Variants in ADCY9 observed in about 807,000 individuals in gnomAD.
ADCY9 encodes the protein adenylate cyclase type 9.
A neutral mutation model predicts 101.5 loss-of-function variants in ADCY9; 50 were observed. That is an observed-to-expected ratio of 0.49 (90% CI 0.39 to 0.62). The LOEUF (loss-of-function observed/expected upper bound fraction) is 0.62, where lower values mean the gene tolerates loss of function less well. Ranked by LOEUF, ADCY9 falls within the 20% of genes least tolerant of loss-of-function variation. ADCY9 has a pLI of 0.00. For synonymous variants in ADCY9, 905 were observed against 769.3 expected (o/e 1.18, Z -2.92); for missense variants, 1,662 against 1,800.4 (o/e 0.92, Z 1.39).
At chr16:3,967,348 C>CT (rs150666150) in intron 10 of ADCY9, among the ~76,000 whole-genome samples, 21,692 of 150,778 alleles carry the variant, frequency 0.14, 1,870 homozygotes, top group East Asian at 0.27. Flanking sequence ...TTTTCTTTTT[C>CT]TTTTTTTTTA....
At chr16:4,026,843 G>A (rs535031532) in intron 2 of ADCY9, among the ~76,000 whole-genome samples, 18 of 152,314 alleles carry the variant, frequency 1.2e-4, no homozygotes, top group African/African-American at 3.8e-4. Flanking sequence ...CCTGGAGGCA[G>A]GGAACTTAAG....
intron 10 of ADCY9, among the ~76,000 whole-genome samples, chr16:3,971,573 T>A (rs1228974747): frequency 6.6e-6 from 1 of 152,198 alleles, no homozygotes; most frequent in Non-Finnish European, 1.5e-5. Context: ...TAACCATTTG[T>A]TACGATGATG....
At chr16:4,050,713 CAAAAAAAAAA>C (rs5815192) in intron 2 of ADCY9, among the ~76,000 whole-genome samples, 3 of 69,638 alleles carry the variant, frequency 4.3e-5, no homozygotes, top group African/African-American at 1.2e-4. Flanking sequence ...AACTCCGTCT[CAAAAAAAAAA>C]AAAAAAAAAA....
intron 2 of ADCY9, among the ~76,000 whole-genome samples, chr16:4,035,520 C>T (rs537243405): frequency 6.6e-5 from 10 of 152,276 alleles, no homozygotes; most frequent in Non-Finnish European, 8.8e-5. Flanking sequence ...ACAAAACACA[C>T]GTGCACACAT....
At chr16:4,043,163 G>A (rs1184491196) in intron 2 of ADCY9, among the ~76,000 whole-genome samples, 1 of 151,900 alleles carries the variant, frequency 6.6e-6, no homozygotes, top group Non-Finnish European at 1.5e-5. Flanking sequence ...CCCGGGAGGC[G>A]GAGCTTGCAG....
intron 3 of ADCY9, among the ~76,000 whole-genome samples, chr16:3,998,474 G>C (rs748567550): frequency 1.3e-5 from 2 of 151,990 alleles, no homozygotes; most frequent in African/African-American, 2.4e-5. Flanking sequence ...ACTTTGGGAG[G>C]CCAACATGGG....
At chr16:3,978,876 T>G (rs2531987) in intron 8 of ADCY9, among the ~76,000 whole-genome samples, 1 of 151,976 alleles carries the variant, frequency 6.6e-6, no homozygotes, top group Non-Finnish European at 1.5e-5. Context: ...CCTGCCACCA[T>G]GACCAGCTAA....
At chr16:4,033,155 G>T (rs939280683) in intron 2 of ADCY9, among the ~76,000 whole-genome samples, 16 of 152,136 alleles carry the variant, frequency 1.1e-4, no homozygotes, top group Admixed American at 2.6e-4. Flanking sequence ...TAAAAATTAT[G>T]ATTTTCCCAT....
At chr16:4,073,448 T>G (rs2056847643) in intron 2 of ADCY9, among the ~76,000 whole-genome samples, 1 of 151,514 alleles carries the variant, frequency 6.6e-6, no homozygotes, top group Non-Finnish European at 1.5e-5. Flanking sequence ...CAGACTGGAA[T>G]GCAATGGCGC....
At chr16:4,057,413 T>C (rs1188222164) in intron 2 of ADCY9, among the ~76,000 whole-genome samples, 1 of 152,150 alleles carries the variant, frequency 6.6e-6, no homozygotes, top group Non-Finnish European at 1.5e-5. Flanking sequence ...ACCATCAACC[T>C]AGAACACTTT....
At chr16:4,062,910 A>G (rs1486876393) in intron 2 of ADCY9, among the ~76,000 whole-genome samples, 2 of 152,314 alleles carry the variant, frequency 1.3e-5, no homozygotes, top group East Asian at 3.9e-4. Context: ...GGAGACTTCA[A>G]TATCCCACTC....
intron 2 of ADCY9, among the ~76,000 whole-genome samples, chr16:4,072,925 A>G (rs921118632): frequency 2.0e-5 from 3 of 150,342 alleles, no homozygotes; most frequent in Non-Finnish European, 4.4e-5. Context: ...CAGTGGTGTG[A>G]TATCTTTAAA....
chr16:3,966,995 A>T, intron 10 of ADCY9, 29 bp from the exon 11 acceptor site: 1 of 1,577,364 alleles, frequency 6.3e-7, no homozygotes, highest in Non-Finnish European at 8.6e-7. Flanking sequence ...GGAAAGGGAG[A>T]GGTTACTGCT....
At chr16:4,055,770 C>T (rs1175577609) in intron 2 of ADCY9, among the ~76,000 whole-genome samples, 1 of 151,922 alleles carries the variant, frequency 6.6e-6, no homozygotes, top group Non-Finnish European at 1.5e-5. Flanking sequence ...GAAGGCAGAG[C>T]TTGCAGTGAG....
At chr16:4,082,710 GCATGCACGCACACA>G (rs1260628763) in intron 2 of ADCY9, among the ~76,000 whole-genome samples, 1 of 99,988 alleles carries the variant, frequency 1.0e-5, no homozygotes, top group Non-Finnish European at 2.2e-5. Context: ...GCACACCCAC[GCATGCACGCACACA>G]CATGCACACC....
intron 2 of ADCY9, among the ~76,000 whole-genome samples, chr16:4,108,613 C>T (rs1455488468): frequency 6.6e-6 from 1 of 150,914 alleles, no homozygotes; most frequent in Non-Finnish European, 1.5e-5. Flanking sequence ...ACCTCCTGAT[C>T]TGCCCACCTC....
intron 2 of ADCY9, among the ~76,000 whole-genome samples, chr16:4,076,637 C>T (rs1417950131): frequency 6.7e-6 from 1 of 149,576 alleles, no homozygotes; most frequent in Non-Finnish European, 1.5e-5. Context: ...AGCACCCAAA[C>T]AGCATCTGTG....
chr16:4,115,454 C>A lies in ADCY9; in HGVS notation c.-12G>T. 1.3e-6 allele frequency: 2 copies of A among 1,525,766 alleles called. No homozygotes were observed. The highest frequency in any genetic ancestry group is 1.8e-6 in the Non-Finnish European group (2 of 1,135,446). The allele number at this position is 1,525,766 out of a possible 1,614,324, so 94.5% of individuals were successfully genotyped here. A position where few individuals can be genotyped will look rare whatever the true frequency, so the allele number is the denominator to read the frequency against. ...GGTGGGGAAGCCATGTTGTCGAGTC[C>A]CGGGGCCTGCCCCGGCCGGGGTCAC... On this transcript the variant is annotated 5_prime_UTR_variant, in exon 2 of 11. Coordinates refer to ENST00000294016, the MANE Select transcript of ADCY9 (RefSeq NM_001116.4). The surrounding 1 kb of genome is among the most constrained non-coding windows in gnomAD (Gnocchi z 6.2).
Position 3,965,543 on chromosome 16 carries a change from G to A in ADCY9, c.*232C>T. On this transcript the variant is annotated 3_prime_UTR_variant, in exon 11 of 11. Coordinates refer to ENST00000294016, the MANE Select transcript of ADCY9 (RefSeq NM_001116.4). ...TGAAGGCACTTGTTCTCCACCACGT[G>A]CTGAACGGATGACCCAGAGGCAGCG... 1.7e-6 allele frequency: 1 copy of A among 579,698 alleles called. No individual in the cohort carries two copies. The allele number at this position is 579,698 out of a possible 1,614,324, so 35.9% of individuals were successfully genotyped here. A position where few individuals can be genotyped will look rare whatever the true frequency, so the allele number is the denominator to read the frequency against.
Sources: allele counts gnomAD v4.1 joint callset (sites outside exome capture counted in the v4.1 genomes callset), GRCh38; gene constraint gnomAD v4.1.1; non-coding constraint Gnocchi (gnomAD v3.1); transcripts MANE v1.5; gene names NCBI Gene and HGNC (gene_info 2026-07-23, HGNC 2026-07-21).